Variants in ZNF425 observed in about 807,000 individuals in gnomAD.
ZNF425 encodes the protein zinc finger protein 425.
ZNF425 carries 21 observed loss-of-function variants against 17.0 expected under a neutral mutation model. The observed-to-expected ratio is 1.23, with a 90% CI of 0.88 to 1.78. The LOEUF (loss-of-function observed/expected upper bound fraction) is 1.78. Ranked by LOEUF, ZNF425 falls within the 40% of genes most tolerant of loss-of-function variation. The pLI is 0.00. For missense variants in ZNF425, 868 were observed against 967.3 expected, an observed-to-expected ratio of 0.90 and a Z score of 1.36; for synonymous variants, 433 against 384.1, an observed-to-expected ratio of 1.13 and a Z score of -1.49.
At chr7:149,119,111 A>AT (rs35943015) in intron 1 of ZNF425, among the ~76,000 whole-genome samples, 10,452 of 130,118 alleles carry the variant, frequency 0.08, 440 homozygotes, top group Middle Eastern at 0.098. Context: ...ACCAGCCTAG[A>AT]TTTTTTTTTT....
intron 2 of ZNF425, among the ~76,000 whole-genome samples, chr7:149,117,635 A>C (rs1175241435): frequency 1.5e-5 from 2 of 135,246 alleles, no homozygotes; most frequent in African/African-American, 5.4e-5. Context: ...TAGATTACTT[A>C]GTAATTCTTT....
rs1826063125 is a variant in ZNF425, at chr7:149,105,337, T to C, written c.534A>G (p.Pro178=). 2 of 1,614,000 alleles carry C rather than the reference T, an allele frequency of 1.2e-6. No individual in the cohort carries two copies. Among genetic ancestry groups the C allele is most frequent in the African/African-American group, 2.7e-5 (2 of 74,930 alleles). Reference sequence around the variant, plus strand: ...GCCCTGTGGGAATTTCTAAGCGCCCTGGGGTCTCCCGAGGCTTATGCCGCA... The same window carrying C: ...GCCCTGTGGGAATTTCTAAGCGCCCCGGGGTCTCCCGAGGCTTATGCCGCA... ...KDLRHKPRET[P]GRLEIPTGPR... Residue 178 remains proline (P), a synonymous_variant, in exon 4 of 4, where the codon CCA becomes CCG. Transcript: ENST00000378061.
chr7:149,116,095 GCCTCGGTGT>G (rs753140091), intron 2 of ZNF425, among the ~76,000 whole-genome samples: 27 of 152,304 alleles, frequency 1.8e-4, no homozygotes, highest in Admixed American at 4.6e-4. Flanking sequence ...TGGCTCCTGG[GCCTCGGTGT>G]CCTCAGGTTA....
At chr7:149,108,236 G>A (rs2129517901) in intron 3 of ZNF425, among the ~76,000 whole-genome samples, 1 of 152,192 alleles carries the variant, frequency 6.6e-6, no homozygotes, top group African/African-American at 2.4e-5. Context: ...AGTAGAGACA[G>A]AGTTTCACCA....
chr7:149,107,835 C>CATTTATTTATTT lies in ZNF425; in HGVS notation c.305-2281_305-2270dup, dbSNP rs55746271. Reference sequence around the variant, plus strand: ...CGAACTGGATAATGGAACTCTCTCCCATTTATTTATTTATTTATTTATTTA... The same window carrying CATTTATTTATTT: ...CGAACTGGATAATGGAACTCTCTCCCATTTATTTATTTATTTATTTATTTATTTATTTATTTA... On this transcript the variant is annotated intron_variant, in intron 3 of 3. Transcript: ENST00000378061. 7.6e-3 allele frequency among the ~76,000 whole-genome samples: 1,049 copies of CATTTATTTATTT among 138,046 alleles called. 10 individuals carry two copies. Among genetic ancestry groups the CATTTATTTATTT allele is most frequent in the East Asian group, 8.7e-3 (41 of 4,696 alleles). 90.6% of individuals were successfully genotyped at this position (138,046 alleles called of 152,430 possible). A position where few individuals can be genotyped will look rare whatever the true frequency, so the allele number is the denominator to read the frequency against.
At chr7:149,117,393 C>T (rs1033199681) in intron 2 of ZNF425, among the ~76,000 whole-genome samples, 2 of 152,060 alleles carry the variant, frequency 1.3e-5, no homozygotes, top group African/African-American at 2.4e-5. Context: ...CTAAGTGTCC[C>T]ATCCCACTGC....
At chr7:149,119,235 C>T (rs924314901) in intron 1 of ZNF425, among the ~76,000 whole-genome samples, 1 of 151,964 alleles carries the variant, frequency 6.6e-6, no homozygotes, top group Non-Finnish European at 1.5e-5. Context: ...CCCCAGCCTC[C>T]CAAGTAGCTG....
Position 149,103,495 on chromosome 7 carries a change from G to T in ZNF425, c.*117C>A. On this transcript the variant is annotated 3_prime_UTR_variant, in exon 4 of 4. Coordinates refer to ENST00000378061, the MANE Select transcript of ZNF425 (RefSeq NM_001001661.3). The stretch of plus-strand genomic sequence containing the variant: ...GGCCTCCCAAAGTAATGGGATTACA[G>T]GCGGGAGCCACTGTGCCCGATCTTA... The T allele has an allele frequency of 3.0e-6, 4 of 1,322,394 alleles. No individual in the cohort carries two copies. The highest frequency in any genetic ancestry group is 1.5e-5 in the South Asian group (1 of 65,828). 81.9% of individuals were successfully genotyped at this position (1,322,394 alleles called of 1,614,324 possible).
chr7:149,104,206 C>T lies in ZNF425; in HGVS notation c.1665G>A (p.Gln555=), dbSNP rs1826030187. The T allele has an allele frequency of 4.3e-6, 7 of 1,612,504 alleles. No individual in the cohort carries two copies. Among genetic ancestry groups the T allele is most frequent in the South Asian group, 2.2e-5 (2 of 91,032 alleles). ...TRLHSGEEPF[Q]CPECDKSFSW... ...AGAAGCTCTTGTCGCACTCGGGACA[C>T]TGGAAGGGCTCCTCGCCACTGTGAA... Residue 555 remains glutamine (Q), a synonymous_variant, in exon 4 of 4, where the codon CAG becomes CAA. Coordinates refer to ENST00000378061, the MANE Select transcript of ZNF425 (RefSeq NM_001001661.3). This position sits in a 1 kb window ranked among gnomAD's most constrained non-coding sequence, Gnocchi z 4.3.
chr7:149,107,588 T>G (rs1004208928), intron 3 of ZNF425, among the ~76,000 whole-genome samples: 1 of 151,818 alleles, frequency 6.6e-6, no homozygotes, highest in Non-Finnish European at 1.5e-5. Context: ...CTGCCCGCCT[T>G]GGCTTCCCAA....
intron 2 of ZNF425, among the ~76,000 whole-genome samples, chr7:149,117,607 TA>T (rs76945741): frequency 4.3e-4 from 60 of 140,568 alleles, no homozygotes; most frequent in Non-Finnish European, 7.5e-4. Context: ...ACACTTCTTT[TA>T]AAAAAAAAGG....
chr7:149,119,937 T>C (rs1167289256), intron 1 of ZNF425, among the ~76,000 whole-genome samples: 1 of 152,174 alleles, frequency 6.6e-6, no homozygotes, highest in African/African-American at 2.4e-5. Flanking sequence ...TACCATTTTA[T>C]ATAAGGGACT....
At position 149,105,732 on chromosome 7, in the gene ZNF425, G is replaced by A. The variant is rs1322652306; in HGVS notation, c.305-166C>T. Among the ~76,000 whole-genome samples, 8 of 151,748 alleles carry A rather than the reference G, an allele frequency of 5.3e-5. 1 individual carries two copies. The highest frequency in any genetic ancestry group is 8.8e-5 in the Non-Finnish European group (6 of 67,914). Reference sequence around the variant, plus strand: ...GTGGTGCGATCTCGGCTCACTGCAAGCTCCGCCTCCCGGGTTCACGCCATT... The same window carrying A: ...GTGGTGCGATCTCGGCTCACTGCAAACTCCGCCTCCCGGGTTCACGCCATT... On this transcript the variant is annotated intron_variant, in intron 3 of 3. Transcript: ENST00000378061.
chr7:149,124,782 C>T (rs893389918), intron 1 of ZNF425, among the ~76,000 whole-genome samples: 1 of 151,800 alleles, frequency 6.6e-6, no homozygotes, highest in East Asian at 1.9e-4. Context: ...CTCAGGTGAT[C>T]CGCCCGCCTC....
intron 1 of ZNF425, 77 bp downstream of exon 1, chr7:149,126,119 T>C (rs746307908): frequency 9.3e-6 from 15 of 1,606,192 alleles, no homozygotes; most frequent in Admixed American, 1.7e-5. Flanking sequence ...CCCCACTCCC[T>C]GGACGCGGAC....
chr7:149,118,113 T>C (rs1826295672), intron 2 of ZNF425, 109 bp downstream of exon 2: 1 of 1,241,018 alleles, frequency 8.1e-7, no homozygotes, highest in Admixed American at 2.1e-5. Flanking sequence ...ATTATGAATG[T>C]AAACTGGGCA....
chr7:149,114,371 CTTTTTTTT>C (rs55950010), intron 2 of ZNF425, among the ~76,000 whole-genome samples: 1 of 112,550 alleles, frequency 8.9e-6, no homozygotes, highest in Admixed American at 1.0e-4. Flanking sequence ...TGCGCCCAGC[CTTTTTTTT>C]TTTTTTTTTT....
At position 149,105,562 on chromosome 7, in the gene ZNF425, G is replaced by A. The variant is rs200478501; in HGVS notation, c.309C>T (p.Asp103=). The A allele has an allele frequency of 4.6e-6, 7 of 1,506,532 alleles. No individual in the cohort carries two copies. The highest frequency in any genetic ancestry group is 2.8e-5 in the African/African-American group (2 of 71,548). 93.3% of individuals were successfully genotyped at this position (1,506,532 alleles called of 1,614,324 possible). The change falls in exon 4 of 4, where the codon GAC becomes GAT. Residue 103 remains aspartate (D), a synonymous_variant. Coordinates refer to ENST00000378061, the MANE Select transcript of ZNF425 (RefSeq NM_001001661.3). ...CTTCTTTTGTCCTGGGAGTTCCTTC[G>A]TCATCTGGAGCAGAAAGAAGTATCA... ...KNTGKLLCFD[D]EGTPRTKEED...
intron 1 of ZNF425, among the ~76,000 whole-genome samples, chr7:149,124,304 C>T (rs974875276): frequency 1.3e-5 from 2 of 150,504 alleles, no homozygotes; most frequent in African/African-American, 4.9e-5. Flanking sequence ...TACAGGCCCC[C>T]GCCACCACGC....
Sources: gnomAD v4.1 joint callset for allele counts (sites outside exome capture counted in the v4.1 genomes callset) on GRCh38, gnomAD v4.1.1 for gene constraint, Gnocchi (gnomAD v3.1) non-coding constraint, MANE v1.5 for transcripts, NCBI Gene and HGNC (gene_info 2026-07-23, HGNC 2026-07-21) for gene names.